Variants in VPS4B observed in about 807,000 individuals in gnomAD.
VPS4B encodes the protein vacuolar protein sorting 4 homolog B.
A neutral mutation model predicts 56.1 loss-of-function variants in VPS4B; 23 were observed. The ratio of observed to expected loss-of-function variants is 0.41; its 90% confidence interval spans 0.30 to 0.58. The LOEUF (loss-of-function observed/expected upper bound fraction) is 0.58, where lower values mean the gene tolerates loss of function less well. Ranked by LOEUF, VPS4B falls within the 20% of genes least tolerant of loss-of-function variation. VPS4B has a pLI of 0.29. For synonymous variants in VPS4B, 177 were observed against 186.0 expected (o/e 0.95, Z 0.39); for missense variants, 372 against 531.9 (o/e 0.70, Z 2.96).
intron 8 of VPS4B, among the ~76,000 whole-genome samples, chr18:63,398,147 ATG>A (rs748022416): frequency 1.3e-5 from 2 of 151,426 alleles, no homozygotes; most frequent in African/African-American, 2.4e-5. Context: ...AGATAGATAG[ATG>A]TGTGTGTGTA....
Position 63,403,900 on chromosome 18 carries a change from A to T in VPS4B, c.365-74T>A. The T allele has an allele frequency of 1.3e-6, 2 of 1,489,220 alleles. 1 individual carries two copies. Among genetic ancestry groups the T allele is most frequent in the South Asian group, 2.6e-5 (2 of 76,946 alleles). The allele number at this position is 1,489,220 out of a possible 1,614,324, so 92.3% of individuals were successfully genotyped here. On this transcript the variant is annotated intron_variant, in intron 4 of 10. Coordinates refer to ENST00000238497, the MANE Select transcript of VPS4B (RefSeq NM_004869.4). ...AGTTAGAAGACAACATGAAATAATG[A>T]TGTTAAAGAAACGCATTATAAAATT...
At chr18:63,414,338 C>A (rs990915410) in intron 1 of VPS4B, among the ~76,000 whole-genome samples, 5 of 151,872 alleles carry the variant, frequency 3.3e-5, no homozygotes, top group Admixed American at 2.6e-4. Flanking sequence ...CCACTGCACT[C>A]TAGCCTGGGT....
intron 1 of VPS4B, among the ~76,000 whole-genome samples, chr18:63,417,095 GA>G (rs35098687): frequency 1.3e-5 from 2 of 149,640 alleles, no homozygotes; most frequent in East Asian, 2.0e-4. Flanking sequence ...TTTAACGAAT[GA>G]AAAAAAAAAT....
Position 63,389,281 on chromosome 18 carries a change from GAAT to G in VPS4B, c.*1691_*1693del, listed in dbSNP as rs1453788091. 1.3e-5 allele frequency: 2 copies of G among 152,246 alleles called. No individual in the cohort carries two copies. The highest frequency in any genetic ancestry group is 2.9e-5 in the Non-Finnish European group (2 of 67,994). The allele number at this position is 152,246 out of a possible 1,614,324, so 9.4% of individuals were successfully genotyped here. On this transcript the variant is annotated 3_prime_UTR_variant, in exon 11 of 11. Coordinates refer to ENST00000238497, the MANE Select transcript of VPS4B (RefSeq NM_004869.4). ...TTTACACAGAAGGTCCCAAAATAAA[GAAT>G]AATACACAGAATACAGTCAATAGGT...
At chr18:63,417,468 G>C (rs1288573549) in intron 1 of VPS4B, among the ~76,000 whole-genome samples, 1 of 151,846 alleles carries the variant, frequency 6.6e-6, no homozygotes, top group East Asian at 1.9e-4. Flanking sequence ...CCACCACTTT[G>C]CTGGTTTTCC....
chr18:63,400,456 A>G, intron 6 of VPS4B, 91 bp downstream of exon 6: 2 of 1,346,860 alleles, frequency 1.5e-6, no homozygotes, highest in East Asian at 4.9e-5. Context: ...GACTTCTCTG[A>G]ATATCTATAA....
chr18:63,419,721 T>C (rs1209261459), intron 1 of VPS4B, among the ~76,000 whole-genome samples: 3 of 152,240 alleles, frequency 2.0e-5, no homozygotes, highest in Non-Finnish European at 4.4e-5. Context: ...GACACAGGCA[T>C]TGTGACATAG....
intron 4 of VPS4B, among the ~76,000 whole-genome samples, chr18:63,405,551 T>C (rs1442170739): frequency 6.6e-6 from 1 of 152,164 alleles, no homozygotes; most frequent in African/African-American, 2.4e-5. Flanking sequence ...TTCAAATACA[T>C]TTCCTCATTT....
At position 63,393,616 on chromosome 18, in the gene VPS4B, C is replaced by T. The variant is rs928772423; in HGVS notation, c.1093-67G>A. ...TTGAACATTAAGACTTAATCCATTA[C>T]CAGGAAAGTTAAAATGTATAATAGT... On this transcript the variant is annotated intron_variant, in intron 9 of 10. Coordinates refer to ENST00000238497, the MANE Select transcript of VPS4B (RefSeq NM_004869.4). 1.4e-5 allele frequency: 19 copies of T among 1,343,002 alleles called. No homozygotes were observed. The African/African-American group carries it at 2.1e-4, about 15-fold the overall frequency. The allele number at this position is 1,343,002 out of a possible 1,614,324, so 83.2% of individuals were successfully genotyped here. A position where few individuals can be genotyped will look rare whatever the true frequency, so the allele number is the denominator to read the frequency against.
Position 63,422,424 on chromosome 18 carries a change from T to G in VPS4B, c.-165A>C. ...GGAACTTGTTTTAGACAACACTCTC[T>G]CCACCAGAGCTCCGACCCTCCCCAC... On this transcript the variant is annotated 5_prime_UTR_variant, in exon 1 of 11. Transcript: ENST00000238497. The G allele has an allele frequency of 3.8e-6, 2 of 525,504 alleles. No individual in the cohort carries two copies. Among genetic ancestry groups the G allele is most frequent in the Non-Finnish European group, 6.2e-6 (2 of 323,636 alleles). 32.6% of individuals were successfully genotyped at this position (525,504 alleles called of 1,614,324 possible).
intron 1 of VPS4B, chr18:63,415,957 T>G: frequency 4.6e-6 from 1 of 218,520 alleles, no homozygotes; most frequent in Non-Finnish European, 9.7e-6. Context: ...GAGCTTGGAA[T>G]GCTTAACAGG....
At position 63,410,279 on chromosome 18, in the gene VPS4B, T is replaced by A. The variant is rs1454469062; in HGVS notation, c.296+11A>T. On this transcript the variant is annotated intron_variant, in intron 3 of 10. Transcript: ENST00000238497. ...AAGCCACAATAAAATTGAACAATTT[T>A]AAACACGTACCCCTTCTCATCTGCT... is the stretch of plus-strand genomic sequence containing the variant. The A allele has an allele frequency of 1.9e-6, 3 of 1,608,066 alleles. No homozygotes were observed. Among genetic ancestry groups the A allele is most frequent in the Middle Eastern group, 1.7e-4 (1 of 6,032 alleles).
chr18:63,413,497 C>T (rs1916092152), intron 1 of VPS4B, among the ~76,000 whole-genome samples: 1 of 150,118 alleles, frequency 6.7e-6, no homozygotes. Flanking sequence ...CAAGATCATG[C>T]CACTGCACTC....
intron 8 of VPS4B, 83 bp from the exon 9 acceptor site, chr18:63,397,336 G>C (rs150343320): frequency 8.2e-7 from 1 of 1,216,896 alleles, no homozygotes; most frequent in African/African-American, 1.5e-5. Context: ...AGTTAAGTGG[G>C]CCTGTATGTG....
Position 63,400,053 on chromosome 18 carries a change from A to G in VPS4B, c.785T>C (p.Met262Thr). Residue 262 changes from methionine (M) to threonine (T), a missense_variant, in exon 7 of 11, where the codon ATG (methionine) becomes ACG (threonine). Met to Thr is a moderately conservative substitution (Grantham distance 81, BLOSUM62 -1). Coordinates refer to ENST00000238497, the MANE Select transcript of VPS4B (RefSeq NM_004869.4). ...AAAAAAATTAGTAACACTACCTTGC[A>G]TTTGCACTAGGAACTCCGTCTTAAT... ...RRIKTEFLVQMQGVGVDNDGI... is the reference protein window; with the variant it reads ...RRIKTEFLVQTQGVGVDNDGI... 6.2e-7 allele frequency: 1 copy of G among 1,601,206 alleles called. No homozygotes were observed. Among genetic ancestry groups the G allele is most frequent in the Non-Finnish European group, 8.5e-7 (1 of 1,176,738 alleles).
intron 10 of VPS4B, among the ~76,000 whole-genome samples, chr18:63,392,816 T>C (rs1814990547): frequency 6.6e-6 from 1 of 151,160 alleles, no homozygotes; most frequent in African/African-American, 2.4e-5. Context: ...GGTTGTGCAA[T>C]CTCGGCTCAC....
chr18:63,397,567 T>C (rs574949781), intron 8 of VPS4B, among the ~76,000 whole-genome samples: 93 of 152,280 alleles, frequency 6.1e-4, no homozygotes, highest in Non-Finnish European at 1.1e-3. Flanking sequence ...TCTGAACTCT[T>C]GATCAAGGGA....
intron 9 of VPS4B, 131 bp downstream of exon 9, chr18:63,396,903 T>C (rs1303005511): frequency 1.8e-5 from 14 of 784,354 alleles, no homozygotes; most frequent in East Asian, 2.7e-5. Flanking sequence ...GGCATGAGAA[T>C]TGCTTGAACC....
At chr18:63,409,435 A>C (rs1454900393) in intron 3 of VPS4B, among the ~76,000 whole-genome samples, 1 of 152,198 alleles carries the variant, frequency 6.6e-6, no homozygotes, top group Non-Finnish European at 1.5e-5. Context: ...CATCCTCTAA[A>C]GCTGAGCAGA....
Sources: allele counts gnomAD v4.1 joint callset (sites outside exome capture counted in the v4.1 genomes callset), GRCh38; gene constraint gnomAD v4.1.1; transcripts MANE v1.5; gene names NCBI Gene and HGNC (gene_info 2026-07-23, HGNC 2026-07-21).